TPRG1: variants seen among roughly 807,000 people sequenced by gnomAD.
The protein encoded by TPRG1 is tumor protein p63-regulated gene 1 protein.
A neutral mutation model predicts 29.3 loss-of-function variants in TPRG1; 29 were observed. That is an observed-to-expected ratio of 0.99 (90% CI 0.74 to 1.35). TPRG1 has a LOEUF of 1.35. Among genes scored for constraint, TPRG1 ranks in the 40% most tolerant of loss-of-function variants. The pLI, the probability that TPRG1 is intolerant of heterozygous loss-of-function variation, is 0.00. For missense variants in TPRG1, 327 were observed against 335.0 expected (o/e 0.98, Z 0.19); for synonymous variants, 130 against 116.8 (o/e 1.11, Z -0.73).
At chr3:189,071,466 C>T (rs1716808858) in intron 4 of TPRG1, among the ~76,000 whole-genome samples, 1 of 152,130 alleles carries the variant, frequency 6.6e-6, no homozygotes, top group African/African-American at 2.4e-5. Context: ...TCCACACAGA[C>T]ACAGAGGTGT....
At chr3:189,006,046 C>T (rs1712268269) in intron 3 of TPRG1, among the ~76,000 whole-genome samples, 1 of 152,092 alleles carries the variant, frequency 6.6e-6, no homozygotes, top group South Asian at 2.1e-4. Context: ...TAATTCCTAA[C>T]TCTCAAAATA....
rs556668613 is a variant in TPRG1, at chr3:189,276,474, C to A, written c.480-33912C>A. 9.2e-4 allele frequency among the ~76,000 whole-genome samples: 140 copies of A among 152,274 alleles called. 1 individual carries two copies. Among genetic ancestry groups the A allele is most frequent in the Non-Finnish European group, 1.6e-3 (111 of 68,024 alleles). ...AGTGACTACTAGAAAGCAGAATAGGCAACTTCCCATAAAATTGAGTTGTGA... is the reference window on the plus strand; with the variant it reads ...AGTGACTACTAGAAAGCAGAATAGGAAACTTCCCATAAAATTGAGTTGTGA... On this transcript the variant is annotated intron_variant, in intron 4 of 5. Coordinates refer to ENST00000345063, the MANE Select transcript of TPRG1 (RefSeq NM_198485.4).
chr3:189,232,199 C>T (rs1352837470), intron 3 of TPRG1, among the ~76,000 whole-genome samples: 1 of 151,990 alleles, frequency 6.6e-6, no homozygotes, highest in Non-Finnish European at 1.5e-5. Flanking sequence ...TTTTTCCTAC[C>T]TGTCTTTTAT....
chr3:189,305,957 C>T (rs1721566672), intron 4 of TPRG1, among the ~76,000 whole-genome samples: 1 of 152,148 alleles, frequency 6.6e-6, no homozygotes. Context: ...CAGCTGTTTT[C>T]CTTGAGGATA....
chr3:189,141,314 AGGG>A (rs1724522539), intron 3 of TPRG1, among the ~76,000 whole-genome samples: 1 of 152,206 alleles, frequency 6.6e-6, no homozygotes, highest in African/African-American at 2.4e-5. Context: ...CAACATTTAA[AGGG>A]CACTTTGGGA....
chr3:189,301,229 G>A (rs1422020531), intron 4 of TPRG1, among the ~76,000 whole-genome samples: 1 of 149,664 alleles, frequency 6.7e-6, no homozygotes, highest in South Asian at 2.1e-4. Flanking sequence ...AACCTGGGAG[G>A]GAGAGGTTGC....
At chr3:189,185,433 C>T (rs972704869) in intron 1 of TPRG1, among the ~76,000 whole-genome samples, 4 of 151,890 alleles carry the variant, frequency 2.6e-5, no homozygotes, top group Non-Finnish European at 5.9e-5. Flanking sequence ...GCCATGTTGC[C>T]CAGGCTGGTC....
At chr3:189,014,888 A>G (rs1222218536) in intron 3 of TPRG1, among the ~76,000 whole-genome samples, 1 of 152,182 alleles carries the variant, frequency 6.6e-6, no homozygotes, top group Non-Finnish European at 1.5e-5. Context: ...TAGCAGTGAG[A>G]AAATGGAATA....
intron 1 of TPRG1, among the ~76,000 whole-genome samples, chr3:189,196,246 C>G (rs527349662): frequency 6.6e-6 from 1 of 152,126 alleles, no homozygotes; most frequent in South Asian, 2.1e-4. Flanking sequence ...GTTTGGCAGC[C>G]CTGTTGGATT....
intron 4 of TPRG1, among the ~76,000 whole-genome samples, chr3:189,091,917 G>C (rs1457263412): frequency 6.6e-6 from 1 of 152,002 alleles, no homozygotes; most frequent in African/African-American, 2.4e-5. Flanking sequence ...ATGAAAGGTG[G>C]TAACTTTTCT....
intron 5 of TPRG1, among the ~76,000 whole-genome samples, chr3:189,164,045 C>T (rs564106410): frequency 8.9e-4 from 135 of 151,908 alleles, no homozygotes; most frequent in African/African-American, 3.1e-3. Flanking sequence ...TTGTATTTTA[C>T]ATGAAGTTGG....
In TPRG1 at chr3:189,290,584, G is replaced by A. The variant is rs143566304; in HGVS notation, c.480-19802G>A. Among the ~76,000 whole-genome samples the A allele has an allele frequency of 3.3e-5, 5 of 152,328 alleles. No individual in the cohort carries two copies. In the East Asian group the frequency reaches 5.8e-4, roughly 18 times the overall value. On this transcript the variant is annotated intron_variant, in intron 4 of 5. Transcript: ENST00000345063. ...AATTAAGTGGCAGCTTTTATTAAGA[G>A]GCTACTGGTTTTCTTTGAAAGGAAT...
At chr3:189,177,030 CAGA>C (rs963475097) in intron 1 of TPRG1, among the ~76,000 whole-genome samples, 2 of 152,000 alleles carry the variant, frequency 1.3e-5, no homozygotes, top group African/African-American at 4.8e-5. Context: ...AGAGAGGTGG[CAGA>C]AGAAGAGAGA....
intron 4 of TPRG1, among the ~76,000 whole-genome samples, chr3:189,282,926 G>C (rs1285587914): frequency 6.6e-6 from 1 of 152,218 alleles, no homozygotes; most frequent in Non-Finnish European, 1.5e-5. Context: ...CCAAGCTCAA[G>C]TTAAACTCTT....
intron 3 of TPRG1, among the ~76,000 whole-genome samples, chr3:189,006,662 AC>A: frequency 6.6e-6 from 1 of 152,198 alleles, no homozygotes; most frequent in African/African-American, 2.4e-5. Flanking sequence ...GGATTGAGAA[AC>A]AACTGTATTC....
At chr3:189,245,422 A>T in intron 4 of TPRG1, among the ~76,000 whole-genome samples, 1 of 152,076 alleles carries the variant, frequency 6.6e-6, no homozygotes, top group East Asian at 1.9e-4. Context: ...TATCATTTAG[A>T]GATATTTTTA....
chr3:189,284,715 T>C (rs1341937724), intron 4 of TPRG1, among the ~76,000 whole-genome samples: 2 of 152,124 alleles, frequency 1.3e-5, no homozygotes, highest in African/African-American at 2.4e-5. Context: ...ATAAATGGTG[T>C]TGGGAAAACT....
At chr3:189,257,257 C>G (rs894995403) in intron 4 of TPRG1, among the ~76,000 whole-genome samples, 14 of 152,162 alleles carry the variant, frequency 9.2e-5, no homozygotes, top group African/African-American at 1.2e-4. Flanking sequence ...TTCTCCTTTA[C>G]TTAAGAAGCT....
chr3:189,149,716 G>A (rs188921386), intron 4 of TPRG1, among the ~76,000 whole-genome samples: 1 of 152,150 alleles, frequency 6.6e-6, no homozygotes, highest in Admixed American at 6.5e-5. Context: ...CTGCATGGTG[G>A]GGTCAGTTTG....
Sources: gnomAD v4.1 joint callset for allele counts (sites outside exome capture counted in the v4.1 genomes callset) on GRCh38, gnomAD v4.1.1 for gene constraint, MANE v1.5 for transcripts, NCBI Gene and HGNC (gene_info 2026-07-23, HGNC 2026-07-21) for gene names.